Variants in ZNF385D observed in about 807,000 individuals in gnomAD.
The protein encoded by ZNF385D is zinc finger protein 385D, also known as zinc finger protein 659.
A neutral mutation model predicts 35.8 loss-of-function variants in ZNF385D; 15 were observed. That is an observed-to-expected ratio of 0.42 (90% CI 0.28 to 0.64). The LOEUF (loss-of-function observed/expected upper bound fraction) is 0.64. Among genes scored for constraint, ZNF385D ranks in the 30% least tolerant of loss-of-function variants. The pLI, the probability that ZNF385D is intolerant of heterozygous loss-of-function variation, is 0.23. For missense variants in ZNF385D, 474 were observed against 494.6 expected (o/e 0.96, Z 0.39); for synonymous variants, 212 against 186.8 (o/e 1.13, Z -1.10).
intron 2 of ZNF385D, among the ~76,000 whole-genome samples, chr3:22,296,566 T>C (rs942661286): frequency 2.6e-5 from 4 of 151,966 alleles, no homozygotes; most frequent in African/African-American, 7.3e-5. Flanking sequence ...GGAAAGGAGG[T>C]AGGAAACTGA....
intron 1 of ZNF385D, among the ~76,000 whole-genome samples, chr3:21,699,840 T>G (rs1016262659): frequency 1.4e-5 from 2 of 142,090 alleles, no homozygotes; most frequent in African/African-American, 5.4e-5. Flanking sequence ...TTTTTTTTTT[T>G]TTTTTTTTGA....
At chr3:21,641,745 T>G (rs2065612880) in intron 2 of ZNF385D, among the ~76,000 whole-genome samples, 1 of 151,552 alleles carries the variant, frequency 6.6e-6, no homozygotes, top group Admixed American at 6.6e-5. Context: ...CAAAGTGCTG[T>G]TGATACAGGA....
chr3:21,989,051 T>C (rs1395132564), intron 3 of ZNF385D, among the ~76,000 whole-genome samples: 7 of 152,042 alleles, frequency 4.6e-5, no homozygotes, highest in East Asian at 1.9e-4. Context: ...GTGCCCACTG[T>C]CTGGCACTCC....
intron 2 of ZNF385D, among the ~76,000 whole-genome samples, chr3:22,234,062 C>T (rs1233815590): frequency 1.3e-5 from 2 of 152,124 alleles, no homozygotes; most frequent in Non-Finnish European, 2.9e-5. Context: ...GGCAATTTTA[C>T]AGTCATTCTA....
intron 4 of ZNF385D, among the ~76,000 whole-genome samples, chr3:21,471,592 T>C (rs933860110): frequency 1.3e-5 from 2 of 152,108 alleles, no homozygotes; most frequent in South Asian, 2.1e-4. Flanking sequence ...ACAAAATCTT[T>C]AGTGATCAAA....
chr3:21,702,895 A>G (rs1312118545), intron 1 of ZNF385D, among the ~76,000 whole-genome samples: 1 of 152,172 alleles, frequency 6.6e-6, no homozygotes, highest in Non-Finnish European at 1.5e-5. Context: ...TATTGTTCAT[A>G]TCACTATAAG....
chr3:22,360,193 T>C (rs897724644), intron 2 of ZNF385D, among the ~76,000 whole-genome samples: 1 of 152,016 alleles, frequency 6.6e-6, no homozygotes, highest in Non-Finnish European at 1.5e-5. Context: ...AGCCAAATGC[T>C]AAATAAACCA....
At chr3:22,370,080 G>T (rs963262236) in intron 2 of ZNF385D, among the ~76,000 whole-genome samples, 1 of 152,242 alleles carries the variant, frequency 6.6e-6, no homozygotes, top group South Asian at 2.1e-4. Context: ...TAAATAGCAA[G>T]TCACAGCAGG....
chr3:21,507,344 G>T (rs556048693), intron 4 of ZNF385D, among the ~76,000 whole-genome samples: 1 of 151,700 alleles, frequency 6.6e-6, no homozygotes, highest in Non-Finnish European at 1.5e-5. Context: ...ATTAGTTTGG[G>T]TTTTTAAAAT....
chr3:22,038,477 T>C (rs1246761506), intron 3 of ZNF385D, among the ~76,000 whole-genome samples: 1 of 152,116 alleles, frequency 6.6e-6, no homozygotes, highest in African/African-American at 2.4e-5. Context: ...ATAGTTAAAA[T>C]GGAGACTGGA....
chr3:21,995,719 GC>G (rs1695422522), intron 3 of ZNF385D, among the ~76,000 whole-genome samples: 1 of 151,820 alleles, frequency 6.6e-6, no homozygotes, highest in African/African-American at 2.4e-5. Flanking sequence ...CTTGTCCTCA[GC>G]CCCCAGAATG....
chr3:22,010,188 G>C (rs1216507870), intron 3 of ZNF385D, among the ~76,000 whole-genome samples: 1 of 152,292 alleles, frequency 6.6e-6, no homozygotes, highest in African/African-American at 2.4e-5. Context: ...TTAAAAAGCA[G>C]CTTGGATGAC....
chr3:21,870,297 G>C (rs1697618135), intron 3 of ZNF385D, among the ~76,000 whole-genome samples: 1 of 152,136 alleles, frequency 6.6e-6, no homozygotes, highest in East Asian at 1.9e-4. Context: ...TACAGAGATT[G>C]AGCAGTTGTT....
intron 2 of ZNF385D, among the ~76,000 whole-genome samples, chr3:22,363,761 A>T (rs574885796): frequency 6.6e-6 from 1 of 152,196 alleles, no homozygotes; most frequent in East Asian, 1.9e-4. Context: ...TCTTAAGGAA[A>T]TTTCTCTTTA....
At chr3:22,010,815 G>A (rs1285498699) in intron 3 of ZNF385D, among the ~76,000 whole-genome samples, 1 of 152,018 alleles carries the variant, frequency 6.6e-6, no homozygotes, top group African/African-American at 2.4e-5. Flanking sequence ...TGGTGCTTTG[G>A]GTTGTTTATA....
At chr3:22,317,733 A>G (rs911813859) in intron 2 of ZNF385D, among the ~76,000 whole-genome samples, 1 of 152,176 alleles carries the variant, frequency 6.6e-6, no homozygotes, top group Non-Finnish European at 1.5e-5. Context: ...CCCCATGCAC[A>G]TTAATAAATT....
At chr3:21,944,354 A>C (rs2125282007) in intron 3 of ZNF385D, among the ~76,000 whole-genome samples, 1 of 152,300 alleles carries the variant, frequency 6.6e-6, no homozygotes, top group South Asian at 2.1e-4. Context: ...AGCTGAAGAA[A>C]CCACTGACAA....
intron 2 of ZNF385D, among the ~76,000 whole-genome samples, chr3:22,229,718 G>A (rs1698770109): frequency 6.6e-6 from 1 of 152,140 alleles, no homozygotes; most frequent in South Asian, 2.1e-4. Context: ...ACCACCTACA[G>A]CAATAGACAA....
At chr3:21,574,401 ATAAC>A (rs1559421509) in intron 2 of ZNF385D, among the ~76,000 whole-genome samples, 1 of 152,190 alleles carries the variant, frequency 6.6e-6, no homozygotes, top group Non-Finnish European at 1.5e-5. Context: ...GGTAAGACCT[ATAAC>A]TAAAGATACC....
Sources: allele counts gnomAD v4.1 joint callset (sites outside exome capture counted in the v4.1 genomes callset), GRCh38; gene constraint gnomAD v4.1.1; transcripts MANE v1.5; gene names NCBI Gene and HGNC (gene_info 2026-07-23, HGNC 2026-07-21).